Variants in DPY19L1 observed in about 807,000 individuals in gnomAD.
DPY19L1 encodes the protein dpy-19 like C-mannosyltransferase 1.
In DPY19L1, 35 loss-of-function variants were observed where a neutral mutation model predicts 96.9. The ratio of observed to expected loss-of-function variants is 0.36; its 90% confidence interval spans 0.28 to 0.48. The LOEUF (loss-of-function observed/expected upper bound fraction) is 0.48, where lower values mean the gene tolerates loss of function less well. Ranked by LOEUF, DPY19L1 falls within the 20% of genes least tolerant of loss-of-function variation. DPY19L1 has a pLI of 0.99. For missense variants in DPY19L1, 521 were observed against 777.9 expected, an observed-to-expected ratio of 0.67 and a Z score of 3.93; for synonymous variants, 205 against 252.6, an observed-to-expected ratio of 0.81 and a Z score of 1.79.
At chr7:35,012,025 G>A (rs1181789023) in intron 4 of DPY19L1, among the ~76,000 whole-genome samples, 1 of 152,220 alleles carries the variant, frequency 6.6e-6, no homozygotes, top group Non-Finnish European at 1.5e-5. Flanking sequence ...CTTCCGGGCT[G>A]AGGCACTCAT....
At chr7:34,961,634 CAATT>C (rs1274463656) in intron 10 of DPY19L1, among the ~76,000 whole-genome samples, 4 of 152,086 alleles carry the variant, frequency 2.6e-5, no homozygotes, top group Non-Finnish European at 5.9e-5. Flanking sequence ...ATGAAAGAAA[CAATT>C]GATAAGCTGA....
At chr7:34,993,813 A>C (rs1785225225) in intron 6 of DPY19L1, among the ~76,000 whole-genome samples, 1 of 151,998 alleles carries the variant, frequency 6.6e-6, no homozygotes, top group Non-Finnish European at 1.5e-5. Context: ...TAATCTCAGC[A>C]CTTTGGAAGG....
At chr7:34,997,070 T>G (rs1157286589) in intron 6 of DPY19L1, among the ~76,000 whole-genome samples, 1 of 152,014 alleles carries the variant, frequency 6.6e-6, no homozygotes, top group African/African-American at 2.4e-5. Flanking sequence ...GGCTATCTCT[T>G]AGAGGTCAGG....
intron 3 of DPY19L1, 108 bp downstream of exon 3, chr7:35,017,774 G>T: frequency 1.4e-6 from 1 of 728,984 alleles, no homozygotes. Flanking sequence ...AGAAGGTGGA[G>T]CATCTACTCT....
At chr7:34,985,611 T>C (rs1190024837) in intron 7 of DPY19L1, among the ~76,000 whole-genome samples, 1 of 151,400 alleles carries the variant, frequency 6.6e-6, no homozygotes, top group Non-Finnish European at 1.5e-5. Flanking sequence ...GAAATTCAAA[T>C]TAAAACCACA....
chr7:34,933,489 G>T (rs1783801874), intron 21 of DPY19L1, among the ~76,000 whole-genome samples: 1 of 151,974 alleles, frequency 6.6e-6, no homozygotes, highest in Admixed American at 6.5e-5. Context: ...CAACTTGATT[G>T]GATTGAAGGA....
In DPY19L1 at chr7:34,989,917, A is replaced by G; in HGVS notation, c.789T>C (p.Val263=). The change falls in exon 7 of 22, where the codon GTT becomes GTC. Residue 263 remains valine (V), a synonymous_variant. Transcript: ENST00000638088. The part of the protein sequence containing the change: ...YLSGSRLGGL[V]TVLCFFFNHG... Reference sequence around the variant, plus strand: ...GATTGAAAAAGAAGCACAACACTGTAACCAGGCCTCCTAATCGGCTGCCAC... The same window carrying G: ...GATTGAAAAAGAAGCACAACACTGTGACCAGGCCTCCTAATCGGCTGCCAC... The G allele has an allele frequency of 1.2e-6, 2 of 1,609,362 alleles. No homozygotes were observed. The highest frequency in any genetic ancestry group is 1.7e-6 in the Non-Finnish European group (2 of 1,178,638).
intron 6 of DPY19L1, among the ~76,000 whole-genome samples, chr7:35,004,162 T>C (rs770160898): frequency 9.2e-5 from 14 of 152,252 alleles, no homozygotes; most frequent in Admixed American, 3.9e-4. Context: ...CTCTCACTTT[T>C]GGCTTGTCGC....
chr7:34,963,320 C>G (rs1784542106), intron 10 of DPY19L1, among the ~76,000 whole-genome samples: 1 of 152,020 alleles, frequency 6.6e-6, no homozygotes, highest in Non-Finnish European at 1.5e-5. Context: ...TGGCTACCAT[C>G]CAAGAGCAGA....
intron 1 of DPY19L1, among the ~76,000 whole-genome samples, chr7:35,036,796 C>CA (rs1426554589): frequency 2.6e-5 from 4 of 152,152 alleles, no homozygotes; most frequent in Admixed American, 6.5e-5. Context: ...CTCGTTAGCG[C>CA]AGACCTGCTG....
chr7:34,971,878 T>C (rs1243907698), intron 8 of DPY19L1, among the ~76,000 whole-genome samples: 2 of 152,128 alleles, frequency 1.3e-5, no homozygotes, highest in Non-Finnish European at 2.9e-5. Flanking sequence ...CCTGTGGACA[T>C]GTCATGTTGC....
rs180986761 is a variant in DPY19L1, at chr7:34,949,291, A to C, written c.1422+506T>G. Among the ~76,000 whole-genome samples the C allele has an allele frequency of 9.6e-4, 147 of 152,336 alleles. 1 individual carries two copies. Among genetic ancestry groups the C allele is most frequent in the South Asian group, 1.0e-3 (5 of 4,822 alleles). On this transcript the variant is annotated intron_variant, in intron 14 of 21. Coordinates refer to ENST00000638088, the MANE Select transcript of DPY19L1 (RefSeq NM_001366673.1). Reference sequence around the variant, plus strand: ...AAACTAGTAAACTATAACACGACGAATGAGAGTTGCTTGTTCAAGAACATC... The same window carrying C: ...AAACTAGTAAACTATAACACGACGACTGAGAGTTGCTTGTTCAAGAACATC...
intron 7 of DPY19L1, among the ~76,000 whole-genome samples, chr7:34,978,067 A>G (rs560817902): frequency 1.3e-5 from 2 of 152,222 alleles, no homozygotes; most frequent in Non-Finnish European, 2.9e-5. Context: ...AAGTAGCTTA[A>G]TTTTCCAATC....
chr7:35,012,941 G>C (rs532127477), intron 4 of DPY19L1, among the ~76,000 whole-genome samples: 1 of 142,772 alleles, frequency 7.0e-6, no homozygotes, highest in East Asian at 2.0e-4. Context: ...TACATATATA[G>C]AGAACACTGA....
chr7:34,932,695 A>G (rs749872749), intron 21 of DPY19L1, among the ~76,000 whole-genome samples: 33 of 152,236 alleles, frequency 2.2e-4, no homozygotes, highest in Non-Finnish European at 2.2e-4. Flanking sequence ...ATTTGCCTAA[A>G]TAAGTCCTTC....
intron 12 of DPY19L1, 63 bp downstream of exon 12, chr7:34,955,244 CA>C (rs1181214356): frequency 6.5e-7 from 1 of 1,539,018 alleles, no homozygotes; most frequent in African/African-American, 1.4e-5. Context: ...AAAAGTAAAA[CA>C]TAAAACCAAT....
chr7:34,944,131 A>G (rs1484752901), intron 16 of DPY19L1, among the ~76,000 whole-genome samples: 14 of 152,160 alleles, frequency 9.2e-5, no homozygotes, highest in African/African-American at 1.2e-4. Flanking sequence ...TTGGGAGGCT[A>G]AGGCAGGCAG....
intron 13 of DPY19L1, among the ~76,000 whole-genome samples, chr7:34,952,608 T>A (rs936113929): frequency 6.6e-6 from 1 of 152,070 alleles, no homozygotes; most frequent in Non-Finnish European, 1.5e-5. Flanking sequence ...ATATTCCTCA[T>A]GAGTAATAGA....
In DPY19L1 at chr7:35,001,360, A is replaced by G. The variant is rs998714742; in HGVS notation, c.764+9108T>C. The stretch of plus-strand genomic sequence containing the variant: ...CCATAAGCTAAGTTTTTCTTTCAAT[A>G]TTTTATTATTAATTAATTTATTCAA... On this transcript the variant is annotated intron_variant, in intron 6 of 21. Transcript: ENST00000638088. Among the ~76,000 whole-genome samples the G allele has an allele frequency of 7.2e-5, 11 of 152,204 alleles. No individual in the cohort carries two copies. In the South Asian group the frequency reaches 1.2e-3, roughly 17 times the overall value.
Sources: allele counts gnomAD v4.1 joint callset (sites outside exome capture counted in the v4.1 genomes callset), GRCh38; gene constraint gnomAD v4.1.1; transcripts MANE v1.5; gene names NCBI Gene and HGNC (gene_info 2026-07-23, HGNC 2026-07-21).